Variants in IARS2 observed in about 807,000 individuals in gnomAD.
IARS2 encodes the protein isoleucine--tRNA ligase, mitochondrial.
IARS2 carries 56 observed loss-of-function variants against 126.3 expected under a neutral mutation model. The ratio of observed to expected loss-of-function variants is 0.44; its 90% CI spans 0.36 to 0.55. IARS2 has a LOEUF of 0.55. Among genes scored for constraint, IARS2 ranks in the 20% least tolerant of loss-of-function variants. The probability of loss-of-function intolerance (pLI) is 0.00; values close to 1 mark genes in which losing one functional copy is unlikely to be tolerated. For missense variants in IARS2, 1,127 were observed against 1,245.9 expected (o/e 0.90, Z 1.44); for synonymous variants, 407 against 441.1 (o/e 0.92, Z 0.97).
At position 220,096,800 on chromosome 1, in the gene IARS2, C is replaced by A. The variant is rs189198470; in HGVS notation, c.390+574C>A. Among the ~76,000 whole-genome samples, 778 of 152,100 alleles carry A rather than the reference C, an allele frequency of 5.1e-3. 3 individuals carry two copies. The highest frequency in any genetic ancestry group is 0.017 in the African/African-American group (692 of 41,498). ...AGTGGCTCACGCCTGTAATCCCAGCCCTTTGGGAGGCCGAGGCAAGCGGAT... is the reference window on the plus strand; with the variant it reads ...AGTGGCTCACGCCTGTAATCCCAGCACTTTGGGAGGCCGAGGCAAGCGGAT... On this transcript the variant is annotated intron_variant, in intron 2 of 22. Coordinates refer to ENST00000366922, the MANE Select transcript of IARS2 (RefSeq NM_018060.4).
chr1:220,123,115 AT>A (rs951194376), intron 12 of IARS2, among the ~76,000 whole-genome samples: 2 of 149,690 alleles, frequency 1.3e-5, no homozygotes, highest in Non-Finnish European at 3.0e-5. Flanking sequence ...TGGTCTTTAG[AT>A]TTATTCAGAT....
rs556883610 is a variant in IARS2 at position 220,097,508 on chromosome 1, C to T, written c.390+1282C>T. ...CCTCCCAAGTAGATGGGACTACAGG[C>T]GCCTGCCACCACGCCCGGCTAATTT... On this transcript the variant is annotated intron_variant, in intron 2 of 22. Coordinates refer to ENST00000366922, the MANE Select transcript of IARS2 (RefSeq NM_018060.4). Among the ~76,000 whole-genome samples the T allele has an allele frequency of 2.7e-3, 411 of 151,110 alleles. 5 individuals are homozygous for T. Among genetic ancestry groups the T allele is most frequent in the African/African-American group, 9.9e-3 (405 of 41,096 alleles).
chr1:220,125,667 T>C (rs1657139418), intron 13 of IARS2, among the ~76,000 whole-genome samples: 1 of 152,092 alleles, frequency 6.6e-6, no homozygotes, highest in Non-Finnish European at 1.5e-5. Context: ...TAGCTGAGCA[T>C]TGTGGCATGC....
chr1:220,096,318 A>C (rs1285539763), intron 2 of IARS2, 92 bp downstream of exon 2: 1 of 862,614 alleles, frequency 1.2e-6, no homozygotes, highest in Non-Finnish European at 1.7e-6. Context: ...TAATTATGTA[A>C]ATTTAGATTT....
chr1:220,128,609 T>C (rs1657200301), intron 14 of IARS2, among the ~76,000 whole-genome samples: 1 of 152,188 alleles, frequency 6.6e-6, no homozygotes, highest in Non-Finnish European at 1.5e-5. Flanking sequence ...ATACCACTAC[T>C]TAAGGTAGTA....
chr1:220,142,099 C>T (rs1657502511), intron 20 of IARS2, 151 bp downstream of exon 20: 7 of 729,868 alleles, frequency 9.6e-6, no homozygotes, highest in South Asian at 1.9e-5. Flanking sequence ...TGTTTCTGCA[C>T]CTATTTGTAG....
chr1:220,119,904 G>A (rs1657003296), intron 12 of IARS2, among the ~76,000 whole-genome samples: 1 of 152,066 alleles, frequency 6.6e-6, no homozygotes, highest in African/African-American at 2.4e-5. Context: ...TATAATGAGT[G>A]TCTTTTGAGC....
At chr1:220,101,817 A>G (rs1020558803) in intron 3 of IARS2, among the ~76,000 whole-genome samples, 1 of 152,086 alleles carries the variant, frequency 6.6e-6, no homozygotes, top group African/African-American at 2.4e-5. Flanking sequence ...TGGCTGACAC[A>G]GTGAAACCCC....
chr1:220,139,171 A>G (rs755150722), intron 18 of IARS2, 32 bp downstream of exon 18: 37 of 1,576,818 alleles, frequency 2.3e-5, no homozygotes, highest in Non-Finnish European at 2.9e-5. Flanking sequence ...TTTGGAAACT[A>G]GAAATATCAG....
chr1:220,114,507 A>C, intron 12 of IARS2, 33 bp downstream of exon 12: 1 of 1,527,828 alleles, frequency 6.5e-7, no homozygotes, highest in East Asian at 2.3e-5. Context: ...TTAGTGTTTT[A>C]AAGTGAAATA....
At chr1:220,142,371 G>A (rs1657507116) in intron 20 of IARS2, among the ~76,000 whole-genome samples, 1 of 152,024 alleles carries the variant, frequency 6.6e-6, no homozygotes, top group Non-Finnish European at 1.5e-5. Context: ...TGGTGGTGGC[G>A]GGTGCCTGTA....
At chr1:220,137,376 C>T (rs1201037810) in intron 16 of IARS2, among the ~76,000 whole-genome samples, 9 of 152,218 alleles carry the variant, frequency 5.9e-5, no homozygotes, top group Non-Finnish European at 1.0e-4. Flanking sequence ...AAATTATACA[C>T]TTTAAAGCAG....
chr1:220,129,102 C>G (rs1333597518), intron 14 of IARS2, among the ~76,000 whole-genome samples: 1 of 152,030 alleles, frequency 6.6e-6, no homozygotes, highest in East Asian at 1.9e-4. Flanking sequence ...AGGCTGGTCT[C>G]AAACTCCTGG....
intron 15 of IARS2, 36 bp downstream of exon 15, chr1:220,134,546 C>T (rs1350144185): frequency 7.4e-7 from 1 of 1,346,446 alleles, no homozygotes; most frequent in Non-Finnish European, 1.1e-6. Flanking sequence ...TGCTGAGTAC[C>T]TGCCAGTGTG....
chr1:220,125,349 T>C lies in IARS2; in HGVS notation c.1743+10T>C, dbSNP rs769361927. ...AGAAGTCTTATCTGAGGTAAATTTCTGTTTGTATTTAACAGCCTTTGTATG... is the reference window on the plus strand; with the variant it reads ...AGAAGTCTTATCTGAGGTAAATTTCCGTTTGTATTTAACAGCCTTTGTATG... On this transcript the variant is annotated intron_variant, in intron 13 of 22. Transcript: ENST00000366922. 5 of 1,556,074 alleles carry C rather than the reference T, an allele frequency of 3.2e-6. No homozygotes were observed. Among genetic ancestry groups the C allele is most frequent in the Non-Finnish European group, 4.4e-6 (5 of 1,127,574 alleles).
At chr1:220,129,386 C>T (rs1210630120) in intron 14 of IARS2, among the ~76,000 whole-genome samples, 1 of 150,936 alleles carries the variant, frequency 6.6e-6, no homozygotes, top group Non-Finnish European at 1.5e-5. Flanking sequence ...ATCTTCTCTT[C>T]TAGTTATTTT....
At chr1:220,105,826 C>G in intron 8 of IARS2, 65 bp from the exon 9 acceptor site, 1 of 1,382,622 alleles carries the variant, frequency 7.2e-7, no homozygotes, top group Non-Finnish European at 1.0e-6. Flanking sequence ...TACTCTATTG[C>G]TAAGCTTAAG....
chr1:220,123,229 A>G (rs1180321228), intron 12 of IARS2, among the ~76,000 whole-genome samples: 2 of 152,072 alleles, frequency 1.3e-5, no homozygotes, highest in Admixed American at 6.5e-5. Context: ...ATAACTAGGT[A>G]GTTATTACAT....
intron 21 of IARS2, chr1:220,143,902 T>G (rs1412395278): frequency 5.0e-6 from 4 of 804,784 alleles, no homozygotes; most frequent in Non-Finnish European, 8.2e-6. Flanking sequence ...GAATTGGCAA[T>G]GAATATAATT....
Sources: gnomAD v4.1 joint callset for allele counts (sites outside exome capture counted in the v4.1 genomes callset) on GRCh38, gnomAD v4.1.1 for gene constraint, MANE v1.5 for transcripts, NCBI Gene and HGNC (gene_info 2026-07-23, HGNC 2026-07-21) for gene names.